The following SNTG2 variants were observed in gnomAD, a reference collection of about 807,000 sequenced individuals.
SNTG2 encodes the protein syntrophin gamma 2.
In SNTG2, 74 loss-of-function variants were observed where a neutral mutation model predicts 70.9. The observed-to-expected ratio is 1.04, with a 90% CI of 0.86 to 1.27. The LOEUF (loss-of-function observed/expected upper bound fraction) is 1.27, where lower values mean the gene tolerates loss of function less well. Ranked by LOEUF, SNTG2 falls within the 50% of genes most tolerant of loss-of-function variation. SNTG2 has a pLI of 0.00. For synonymous variants in SNTG2, 278 were observed against 273.8 expected (o/e 1.02, Z -0.15); for missense variants, 717 against 690.7 (o/e 1.04, Z -0.43).
At chr2:1,155,175 C>A (rs111214712) in intron 6 of SNTG2, among the ~76,000 whole-genome samples, 1 of 142,222 alleles carries the variant, frequency 7.0e-6, no homozygotes, top group Non-Finnish European at 1.6e-5. Context: ...GTAGACCCCC[C>A]CCCCACACAC....
chr2:1,313,668 T>C (rs1302653187), intron 15 of SNTG2, among the ~76,000 whole-genome samples: 14 of 152,070 alleles, frequency 9.2e-5, no homozygotes, highest in Admixed American at 5.9e-4. Context: ...CCACAGGCGA[T>C]TTGGAAGGGA....
chr2:1,322,617 G>A (rs1290716624), intron 16 of SNTG2, among the ~76,000 whole-genome samples: 1 of 151,960 alleles, frequency 6.6e-6, no homozygotes, highest in Non-Finnish European at 1.5e-5. Flanking sequence ...CTTTGTCTCT[G>A]TCTCTATCTC....
At chr2:978,865 A>G (rs1660999486) in intron 1 of SNTG2, among the ~76,000 whole-genome samples, 1 of 152,232 alleles carries the variant, frequency 6.6e-6, no homozygotes, top group Non-Finnish European at 1.5e-5. Flanking sequence ...TATTTGGGCT[A>G]GAATGTCCTC....
intron 1 of SNTG2, among the ~76,000 whole-genome samples, chr2:1,035,445 C>T (rs1282638576): frequency 2.6e-5 from 4 of 152,154 alleles, no homozygotes; most frequent in Admixed American, 6.5e-5. Context: ...TTATCTGAAT[C>T]TTTTGTACCG....
intron 7 of SNTG2, among the ~76,000 whole-genome samples, chr2:1,169,373 C>T (rs571394837): frequency 4.6e-5 from 7 of 152,024 alleles, no homozygotes; most frequent in East Asian, 1.9e-4. Flanking sequence ...CTTCACAGGC[C>T]GAGTGAGATG....
chr2:1,325,833 T>C (rs768736189), intron 16 of SNTG2, among the ~76,000 whole-genome samples: 10 of 152,064 alleles, frequency 6.6e-5, no homozygotes, highest in Non-Finnish European at 1.5e-4. Flanking sequence ...TACCTAGGCA[T>C]ATCAGATTTT....
At chr2:1,014,317 G>A (rs1235240293) in intron 1 of SNTG2, among the ~76,000 whole-genome samples, 13 of 55,896 alleles carry the variant, frequency 2.3e-4, no homozygotes, top group African/African-American at 6.7e-4. Flanking sequence ...GGTCTGTAGA[G>A]GGATTTATAT....
At chr2:1,292,762 G>A (rs1572932226) in intron 14 of SNTG2, among the ~76,000 whole-genome samples, 2 of 152,066 alleles carry the variant, frequency 1.3e-5, no homozygotes, top group South Asian at 4.1e-4. Context: ...ATTTTGTTGA[G>A]ATTTTTGCAT....
At chr2:1,062,742 T>C (rs1662902557) in intron 1 of SNTG2, among the ~76,000 whole-genome samples, 1 of 152,166 alleles carries the variant, frequency 6.6e-6, no homozygotes, top group Admixed American at 6.5e-5. Flanking sequence ...ATAGAGTACT[T>C]CCCCTTAAAA....
chr2:969,166 A>G (rs1660660298), intron 1 of SNTG2, among the ~76,000 whole-genome samples: 1 of 152,200 alleles, frequency 6.6e-6, no homozygotes, highest in Non-Finnish European at 1.5e-5. Context: ...GTCAAAGATT[A>G]GATGATTTCA....
chr2:1,021,083 G>A (rs899082453), intron 1 of SNTG2, among the ~76,000 whole-genome samples: 11 of 152,080 alleles, frequency 7.2e-5, no homozygotes, highest in African/African-American at 9.7e-5. Flanking sequence ...CTCTTGAATC[G>A]CCAATTTTCA....
At chr2:1,307,129 T>A (rs1168562249) in intron 14 of SNTG2, among the ~76,000 whole-genome samples, 2 of 146,372 alleles carry the variant, frequency 1.4e-5, no homozygotes, top group Non-Finnish European at 3.0e-5. Flanking sequence ...AGCCATGTGC[T>A]CTGTGTGTGT....
chr2:1,058,849 T>C (rs372524843), intron 1 of SNTG2, among the ~76,000 whole-genome samples: 40 of 152,342 alleles, frequency 2.6e-4, no homozygotes, highest in East Asian at 2.5e-3. Context: ...TGAACTGAGC[T>C]TCCCTGTGCC....
chr2:1,312,854 G>A (rs1195626415), intron 15 of SNTG2, among the ~76,000 whole-genome samples: 1 of 152,188 alleles, frequency 6.6e-6, no homozygotes, highest in Non-Finnish European at 1.5e-5. Flanking sequence ...AAAAAGATCA[G>A]TTTTTAAAAG....
chr2:1,073,563 G>A (rs1188343536), intron 1 of SNTG2, among the ~76,000 whole-genome samples: 2 of 152,218 alleles, frequency 1.3e-5, no homozygotes, highest in African/African-American at 4.8e-5. Flanking sequence ...AAAACTGTGT[G>A]ACTTGCATTA....
chr2:1,273,356 A>C (rs1020370673), intron 14 of SNTG2, among the ~76,000 whole-genome samples: 1 of 152,194 alleles, frequency 6.6e-6, no homozygotes. Context: ...CCCAAAGACT[A>C]TTCTTGTTCA....
chr2:978,123 G>C (rs1248151249), intron 1 of SNTG2, among the ~76,000 whole-genome samples: 2 of 152,216 alleles, frequency 1.3e-5, no homozygotes, highest in East Asian at 3.9e-4. Context: ...CTTGATGAGT[G>C]ATTGCCTCTG....
chr2:1,227,849 G>A (rs1675896467), intron 9 of SNTG2, among the ~76,000 whole-genome samples: 1 of 152,248 alleles, frequency 6.6e-6, no homozygotes, highest in Non-Finnish European at 1.5e-5. Context: ...TCTGCTGGGT[G>A]TAAGCGAGGG....
chr2:1,025,923 G>A (rs1483950306), intron 1 of SNTG2, among the ~76,000 whole-genome samples: 1 of 152,220 alleles, frequency 6.6e-6, no homozygotes, highest in African/African-American at 2.4e-5. Context: ...GCATTTGAGA[G>A]ATTTGAAAAT....
Sources: gnomAD v4.1 joint callset for allele counts (sites outside exome capture counted in the v4.1 genomes callset) on GRCh38, gnomAD v4.1.1 for gene constraint, MANE v1.5 for transcripts, NCBI Gene and HGNC (gene_info 2026-07-23, HGNC 2026-07-21) for gene names.